The following PRELID2 variants were observed in gnomAD, a reference collection of about 807,000 sequenced individuals.
The protein encoded by PRELID2 is PRELI domain containing 2.
In PRELID2, 25 loss-of-function variants were observed where a neutral mutation model predicts 28.4. The ratio of observed to expected loss-of-function variants is 0.88; its 90% CI spans 0.64 to 1.23. PRELID2 has a LOEUF of 1.23. Ranked by LOEUF, PRELID2 falls within the 50% of genes most tolerant of loss-of-function variation. The probability of loss-of-function intolerance (pLI) is 0.00; values close to 1 mark genes in which losing one functional copy is unlikely to be tolerated. For synonymous variants in PRELID2, 76 were observed against 71.6 expected (o/e 1.06, Z -0.31); for missense variants, 201 against 214.4 (o/e 0.94, Z 0.39).
chr5:145,683,130 G>A (rs1754970544), intron 1 of PRELID2, among the ~76,000 whole-genome samples: 1 of 152,092 alleles, frequency 6.6e-6, no homozygotes, highest in Non-Finnish European at 1.5e-5. Flanking sequence ...AAGAACCTAG[G>A]TACTGGTGTC....
At chr5:145,724,845 C>A (rs2149720709) in intron 1 of PRELID2, among the ~76,000 whole-genome samples, 1 of 150,174 alleles carries the variant, frequency 6.7e-6, no homozygotes, top group South Asian at 2.1e-4. Flanking sequence ...CAGGCTCAAG[C>A]AATCCTCCCA....
chr5:145,665,207 C>T (rs902704943), intron 1 of PRELID2, among the ~76,000 whole-genome samples: 2 of 152,060 alleles, frequency 1.3e-5, no homozygotes, highest in South Asian at 4.1e-4. Context: ...CAAGAGTCAA[C>T]ACAAGAGAGT....
chr5:145,536,059 G>C (rs1245709122), intron 1 of PRELID2, among the ~76,000 whole-genome samples: 1 of 151,838 alleles, frequency 6.6e-6, no homozygotes, highest in Non-Finnish European at 1.5e-5. Flanking sequence ...AGTTTGTGTT[G>C]GACTTGTTTC....
Position 145,758,609 on chromosome 5 carries a change from C to G in PRELID2, c.*1927G>C, listed in dbSNP as rs147303891. Among the ~76,000 whole-genome samples the G allele has an allele frequency of 1.3e-4, 20 of 152,274 alleles. No individual in the cohort carries two copies. The highest frequency in any genetic ancestry group is 4.6e-4 in the African/African-American group (19 of 41,556). ...TTGAGTGTGAAGGGTTAAACTTACT[C>G]TAATGTCAACCTCCAAATACAAATT... On this transcript the variant is annotated 3_prime_UTR_variant, in exon 7 of 7. Coordinates refer to ENST00000683046, the MANE Select transcript of PRELID2 (RefSeq NM_205846.3).
At chr5:145,252,917 T>A in the PRELID2 span, among the ~76,000 whole-genome samples, 1 of 152,128 alleles carries the variant, frequency 6.6e-6, no homozygotes, top group African/African-American at 2.4e-5. Context: ...AAATGATACA[T>A]TTTATGTTAG....
chr5:145,493,665 C>T (rs1021337255), intron 1 of PRELID2, among the ~76,000 whole-genome samples: 2 of 152,154 alleles, frequency 1.3e-5, no homozygotes, highest in African/African-American at 4.8e-5. Context: ...TACCTGCTCT[C>T]GCTACCTGAA....
the PRELID2 span, among the ~76,000 whole-genome samples, chr5:145,466,556 T>A: frequency 6.6e-6 from 1 of 152,158 alleles, no homozygotes; most frequent in African/African-American, 2.4e-5. Flanking sequence ...GTAAAATGCT[T>A]GGACAAGGCA....
At chr5:145,462,516 CA>C in the PRELID2 span, among the ~76,000 whole-genome samples, 1 of 152,216 alleles carries the variant, frequency 6.6e-6, no homozygotes. Flanking sequence ...ACATCTAAGT[CA>C]TTTAATCTAT....
At chr5:145,523,133 C>G (rs997307040) in intron 1 of PRELID2, among the ~76,000 whole-genome samples, 1 of 152,078 alleles carries the variant, frequency 6.6e-6, no homozygotes. Flanking sequence ...TTGTAAACTA[C>G]TGAGTATCAC....
At chr5:145,289,303 T>C in the PRELID2 span, among the ~76,000 whole-genome samples, 1 of 152,210 alleles carries the variant, frequency 6.6e-6, no homozygotes, top group Non-Finnish European at 1.5e-5. Context: ...CTTTCTGTTA[T>C]CCTTATAGCT....
intron 1 of PRELID2, among the ~76,000 whole-genome samples, chr5:145,686,720 AT>A (rs1345511573): frequency 6.6e-6 from 1 of 152,158 alleles, no homozygotes; most frequent in East Asian, 1.9e-4. Context: ...TGTTTCCGCC[AT>A]TTCTTGGAGA....
intron 1 of PRELID2, among the ~76,000 whole-genome samples, chr5:145,654,280 C>A (rs923329846): frequency 2.0e-5 from 3 of 152,042 alleles, no homozygotes; most frequent in African/African-American, 7.2e-5. Context: ...CAAAAAAAGT[C>A]CAGGATAGAT....
intron 4 of PRELID2, among the ~76,000 whole-genome samples, chr5:145,804,187 G>A (rs1413138980): frequency 1.3e-5 from 2 of 152,098 alleles, no homozygotes; most frequent in Non-Finnish European, 2.9e-5. Context: ...ATACATTTCA[G>A]GACAGTCTGG....
the PRELID2 span, among the ~76,000 whole-genome samples, chr5:145,411,218 T>C: frequency 6.6e-6 from 1 of 152,150 alleles, no homozygotes; most frequent in Non-Finnish European, 1.5e-5. Flanking sequence ...GCAAGTCACA[T>C]CTTACGTGGA....
chr5:145,273,996 T>C, the PRELID2 span, among the ~76,000 whole-genome samples: 11 of 151,818 alleles, frequency 7.2e-5, no homozygotes, highest in Non-Finnish European at 1.3e-4. Context: ...GGGACAGGGG[T>C]GCGTGATGAG....
At chr5:145,762,186 C>G (rs1757505945) in intron 6 of PRELID2, among the ~76,000 whole-genome samples, 1 of 152,128 alleles carries the variant, frequency 6.6e-6, no homozygotes, top group South Asian at 2.1e-4. Flanking sequence ...ATGCAACTGT[C>G]CTGTACTAAA....
At chr5:145,290,153 G>A in the PRELID2 span, among the ~76,000 whole-genome samples, 1 of 152,138 alleles carries the variant, frequency 6.6e-6, no homozygotes, top group Non-Finnish European at 1.5e-5. Flanking sequence ...CTGTTGGTGG[G>A]ACTGTAAACT....
chr5:145,229,603 T>C, the PRELID2 span: 1 of 1,224,310 alleles, frequency 8.2e-7, no homozygotes, highest in Non-Finnish European at 1.2e-6. Flanking sequence ...GCAAGCACGG[T>C]GTGGGCTTAT....
chr5:145,300,369 A>T, the PRELID2 span, among the ~76,000 whole-genome samples: 1 of 152,146 alleles, frequency 6.6e-6, no homozygotes, highest in South Asian at 2.1e-4. Context: ...ACAGGGGCTC[A>T]TTCCTACTCC....
Sources: gnomAD v4.1 joint callset for allele counts (sites outside exome capture counted in the v4.1 genomes callset) on GRCh38, gnomAD v4.1.1 for gene constraint, MANE v1.5 for transcripts, NCBI Gene and HGNC (gene_info 2026-07-23, HGNC 2026-07-21) for gene names.